CLEC4C: variants seen among roughly 807,000 people sequenced by gnomAD.
The protein encoded by CLEC4C is C-type (calcium dependent, carbohydrate-recognition domain) lectin, superfamily member 11.
In CLEC4C, 17 loss-of-function variants were observed where a neutral mutation model predicts 27.7. That is an observed-to-expected ratio of 0.61 (90% CI 0.42 to 0.92). The LOEUF is 0.92. CLEC4C is among the 40% of genes least tolerant of loss of function. The pLI, the probability that CLEC4C is intolerant of heterozygous loss-of-function variation, is 0.00. For synonymous variants in CLEC4C, 80 were observed against 80.8 expected (o/e 0.99, Z 0.06); for missense variants, 244 against 257.3 (o/e 0.95, Z 0.35).
At chr12:7,737,145 C>G (rs932149600) in intron 4 of CLEC4C, among the ~76,000 whole-genome samples, 15 of 151,700 alleles carry the variant, frequency 9.9e-5, no homozygotes, top group Middle Eastern at 6.8e-3. Context: ...GCAGGAGAAT[C>G]ACTTGACCCC....
Position 7,741,492 on chromosome 12 carries a change from A to G in CLEC4C, c.164T>C (p.Leu55Pro), listed in dbSNP as rs1249427325. Reference protein sequence around the residue: ...NFMYSKTVKRLSKLREYQQYH... With the variant: ...NFMYSKTVKRPSKLREYQQYH... ...CTGTTGATACTCTCGTAACTTGGACAGCCTCTTGACAGTTTTGCTATACAT... is the reference window on the plus strand; with the variant it reads ...CTGTTGATACTCTCGTAACTTGGACGGCCTCTTGACAGTTTTGCTATACAT... The change falls in exon 3 of 6, where the codon CTG becomes CCG. Residue 55 changes from leucine (L) to proline (P), a missense_variant. Leu to Pro is a moderately conservative substitution (Grantham distance 98). Coordinates refer to ENST00000360345, the MANE Select transcript of CLEC4C (RefSeq NM_001371390.1). 6.2e-7 allele frequency: 1 copy of G among 1,612,328 alleles called. No individual in the cohort carries two copies. The highest frequency in any genetic ancestry group is 1.6e-4 in the Middle Eastern group (1 of 6,062).
In CLEC4C at chr12:7,741,511, T is replaced by C. The variant is rs143790567; in HGVS notation, c.145A>G (p.Ser49Gly). ...TTGGACAGCCTCTTGACAGTTTTGCTATACATAAAATTGTGAGGCACTGGG... is the reference window on the plus strand; with the variant it reads ...TTGGACAGCCTCTTGACAGTTTTGCCATACATAAAATTGTGAGGCACTGGG... ...SSVVPHNFMYSKTVKRLSKLR... is the reference protein window; with the variant it reads ...SSVVPHNFMYGKTVKRLSKLR... The change falls in exon 3 of 6, where the codon AGC becomes GGC. Residue 49 changes from serine to glycine, a missense_variant. Physicochemically the swap from Ser to Gly is moderately conservative, Grantham distance 56. Transcript: ENST00000360345. 636 of 1,605,746 alleles carry C rather than the reference T, an allele frequency of 4.0e-4. 3 individuals are homozygous for C. The African/African-American group carries it at 7.6e-3, about 19-fold the overall frequency.
chr12:7,743,127 T>C (rs1864895335), intron 2 of CLEC4C, among the ~76,000 whole-genome samples: 1 of 152,132 alleles, frequency 6.6e-6, no homozygotes, highest in Admixed American at 6.5e-5. Context: ...ATAGTAGGTG[T>C]TCAGTAAGCA....
At chr12:7,737,866 TG>T (rs1864764149) in intron 3 of CLEC4C, among the ~76,000 whole-genome samples, 1 of 151,880 alleles carries the variant, frequency 6.6e-6, no homozygotes, top group African/African-American at 2.4e-5. Context: ...AAGCAACCAC[TG>T]GCAATATGTT....
chr12:7,730,639 TAAA>T (rs80129912), intron 5 of CLEC4C, 155 bp downstream of exon 5: 4,051 of 283,194 alleles, frequency 0.014, no homozygotes, highest in East Asian at 0.021. Flanking sequence ...GACTCTTGTC[TAAA>T]AAAAAAAAAA....
intron 5 of CLEC4C, among the ~76,000 whole-genome samples, chr12:7,730,039 A>G (rs1864559203): frequency 3.3e-5 from 5 of 152,196 alleles, no homozygotes; most frequent in Admixed American, 2.6e-4. Flanking sequence ...CCTTCAGTTT[A>G]GCCATCCCTA....
intron 4 of CLEC4C, among the ~76,000 whole-genome samples, chr12:7,735,726 G>A (rs1194904983): frequency 3.4e-5 from 5 of 146,872 alleles, no homozygotes; most frequent in Non-Finnish European, 7.5e-5. Context: ...TCGCTTGAAC[G>A]CAGGAGGTGG....
chr12:7,739,652 AC>A, intron 3 of CLEC4C, among the ~76,000 whole-genome samples: 1 of 151,830 alleles, frequency 6.6e-6, no homozygotes, highest in East Asian at 1.9e-4. Flanking sequence ...GTTTGATTTT[AC>A]CATCAATAAA....
At chr12:7,736,332 G>A (rs1398842493) in intron 4 of CLEC4C, among the ~76,000 whole-genome samples, 1 of 152,014 alleles carries the variant, frequency 6.6e-6, no homozygotes, top group East Asian at 1.9e-4. Flanking sequence ...TAGTGAACTG[G>A]AATAGAAGGA....
At chr12:7,748,477 G>C (rs994172979), upstream of CLEC4C, among the ~76,000 whole-genome samples, 1 of 151,814 alleles carries the variant, frequency 6.6e-6, no homozygotes, top group African/African-American at 2.4e-5. Context: ...AGTGAGCCGA[G>C]ATCGTGCCAC....
chr12:7,734,658 C>T (rs1396490459), intron 4 of CLEC4C, among the ~76,000 whole-genome samples: 2 of 150,964 alleles, frequency 1.3e-5, no homozygotes, highest in Non-Finnish European at 2.9e-5. Flanking sequence ...AAGTGATTCT[C>T]CTGCCTCAGC....
At chr12:7,738,805 C>T (rs1864785673) in intron 3 of CLEC4C, among the ~76,000 whole-genome samples, 1 of 151,854 alleles carries the variant, frequency 6.6e-6, no homozygotes, top group Non-Finnish European at 1.5e-5. Flanking sequence ...GCCTGGCCTC[C>T]TATGATAGTT....
At chr12:7,747,456 C>G (rs1280635125), upstream of CLEC4C, 1 of 1,144,158 alleles carries the variant, frequency 8.7e-7, no homozygotes, top group Non-Finnish European at 1.3e-6. Context: ...TCAAACAAGC[C>G]AAGCCCTTAG....
chr12:7,730,656 AAG>A, intron 5 of CLEC4C, 139 bp downstream of exon 5: 1 of 468,188 alleles, frequency 2.1e-6, no homozygotes, highest in South Asian at 2.6e-5. Context: ...AAAAAAAAAA[AAG>A]CACAACCCTT....
chr12:7,747,559 C>A, upstream of CLEC4C: 1 of 391,620 alleles, frequency 2.6e-6, no homozygotes, highest in Non-Finnish European at 4.7e-6. Flanking sequence ...ACATCATGTT[C>A]AGAAATAAGG....
chr12:7,742,736 G>C (rs1014675364), intron 2 of CLEC4C, among the ~76,000 whole-genome samples: 1 of 151,908 alleles, frequency 6.6e-6, no homozygotes, highest in African/African-American at 2.4e-5. Flanking sequence ...CTTCGACCTG[G>C]GAGGCGAAGG....
At chr12:7,743,536 C>G (rs1367305132) in intron 2 of CLEC4C, among the ~76,000 whole-genome samples, 1 of 151,578 alleles carries the variant, frequency 6.6e-6, no homozygotes, top group Admixed American at 6.6e-5. Context: ...AGGCGCCCGC[C>G]ACCGCGCCCG....
chr12:7,737,074 T>C (rs1285096483), intron 4 of CLEC4C, among the ~76,000 whole-genome samples: 1 of 150,930 alleles, frequency 6.6e-6, no homozygotes, highest in Non-Finnish European at 1.5e-5. Context: ...CTTCTAAAAA[T>C]ACAAAAATTA....
intron 2 of CLEC4C, among the ~76,000 whole-genome samples, chr12:7,744,443 C>A (rs1274547120): frequency 6.6e-6 from 1 of 152,160 alleles, no homozygotes; most frequent in African/African-American, 2.4e-5. Flanking sequence ...TGTTTCATTT[C>A]TGTTTCTAAT....
Sources: gnomAD v4.1 joint callset for allele counts (sites outside exome capture counted in the v4.1 genomes callset) on GRCh38, gnomAD v4.1.1 for gene constraint, MANE v1.5 for transcripts, NCBI Gene and HGNC (gene_info 2026-07-23, HGNC 2026-07-21) for gene names.